The following HS6ST2 variants were observed in gnomAD, a reference collection of about 807,000 sequenced individuals.
The protein encoded by HS6ST2 is heparan sulfate 6-O-sulfotransferase 2, also known as heparan-sulfate 6-O-sulfotransferase 2.
HS6ST2 carries 17 observed loss-of-function variants against 33.0 expected under a neutral mutation model. The observed-to-expected ratio is 0.52, with a 90% CI of 0.35 to 0.77. The LOEUF is 0.77. Among genes scored for constraint, HS6ST2 ranks in the 30% least tolerant of loss-of-function variants. The pLI, the probability that HS6ST2 is intolerant of heterozygous loss-of-function variation, is 0.01. For missense variants in HS6ST2, 519 were observed against 551.7 expected (o/e 0.94, Z 0.59); for synonymous variants, 248 against 237.1 (o/e 1.05, Z -0.42).
intron 2 of HS6ST2, among the ~76,000 whole-genome samples, chrX:132,945,870 G>A (rs1343239467): frequency 3.8e-5 from 3 of 77,934 alleles, no homozygotes; most frequent in Non-Finnish European, 7.2e-5. Context: ...GGAGGGGGGA[G>A]GGATAGCATT....
chrX:132,916,924 T>C, intron 2 of HS6ST2, among the ~76,000 whole-genome samples: 1 of 111,943 alleles, frequency 8.9e-6, no homozygotes, highest in Non-Finnish European at 1.9e-5. Flanking sequence ...TGAACTCCCT[T>C]TCATATATAT....
intron 2 of HS6ST2, among the ~76,000 whole-genome samples, chrX:132,950,584 T>G (rs1031609613): frequency 3.6e-5 from 4 of 111,776 alleles, no homozygotes; most frequent in Non-Finnish European, 7.5e-5. Context: ...GCAAAAAAAG[T>G]ATTCTATGTT....
intron 2 of HS6ST2, among the ~76,000 whole-genome samples, chrX:132,809,457 T>G (rs968830498): frequency 8.9e-6 from 1 of 112,123 alleles, no homozygotes; most frequent in Non-Finnish European, 1.9e-5. Context: ...ACTGACAATG[T>G]GGTTGGCACT....
chrX:132,823,400 G>A (rs747111889), intron 2 of HS6ST2, among the ~76,000 whole-genome samples: 16 of 110,464 alleles, frequency 1.4e-4, no homozygotes, highest in Non-Finnish European at 2.8e-4. Flanking sequence ...TACCTAATGT[G>A]TAGTTTTTTT....
intron 2 of HS6ST2, among the ~76,000 whole-genome samples, chrX:132,722,897 A>C (rs2064348583): frequency 9.8e-6 from 1 of 102,433 alleles, no homozygotes; most frequent in African/African-American, 3.6e-5. Flanking sequence ...AAAAAAAAAA[A>C]CAAAAAGCAA....
chrX:132,897,843 G>A (rs2066389907), intron 2 of HS6ST2, among the ~76,000 whole-genome samples: 3 of 111,500 alleles, frequency 2.7e-5, no homozygotes, highest in African/African-American at 9.8e-5. Context: ...TCTCAGAAAA[G>A]TCACTTTATT....
At chrX:132,761,629 G>A (rs2064806070) in intron 2 of HS6ST2, among the ~76,000 whole-genome samples, 1 of 112,126 alleles carries the variant, frequency 8.9e-6, no homozygotes, top group African/African-American at 3.2e-5. Context: ...TACAAAGGGA[G>A]TTTTTCTGTA....
At chrX:132,854,264 C>T (rs1318193963) in intron 2 of HS6ST2, among the ~76,000 whole-genome samples, 1 of 112,385 alleles carries the variant, frequency 8.9e-6, no homozygotes, top group East Asian at 2.8e-4. Context: ...TTTGAGGAGA[C>T]TCAGACTTAA....
rs243464 is a variant in HS6ST2, at chrX:132,627,580, A to G, written c.*643T>C. On this transcript the variant is annotated 3_prime_UTR_variant, in exon 5 of 5. Transcript: ENST00000370833. ...CAGTAGAAGGTAGAAAAAGTTTAAA[A>G]TTTTAAACATCTCTTAAATATCAAG... 15,884 of 111,878 alleles carry G rather than the reference A, an allele frequency of 0.14. 827 individuals carry two copies. Among genetic ancestry groups the G allele is most frequent in the Non-Finnish European group, 0.15 (7,800 of 53,022 alleles). The allele number at this position is 111,878 out of a possible 1,213,427, so 9.2% of individuals were successfully genotyped here.
intron 2 of HS6ST2, among the ~76,000 whole-genome samples, chrX:132,833,973 C>T (rs909838368): frequency 2.7e-5 from 3 of 110,369 alleles, no homozygotes; most frequent in African/African-American, 9.9e-5. Flanking sequence ...TGTTTATATG[C>T]ACAATCACAT....
intron 2 of HS6ST2, among the ~76,000 whole-genome samples, chrX:132,828,502 C>G (rs2065547894): frequency 9.3e-6 from 1 of 107,494 alleles, no homozygotes; most frequent in South Asian, 4.1e-4. Flanking sequence ...GGCAATCTCC[C>G]TTCAGAGACT....
intron 2 of HS6ST2, among the ~76,000 whole-genome samples, chrX:132,853,176 G>T (rs906307330): frequency 3.6e-5 from 4 of 111,526 alleles, no homozygotes; most frequent in Non-Finnish European, 7.5e-5. Flanking sequence ...TTTTGAGACA[G>T]TGTCTCCTGC....
intron 2 of HS6ST2, among the ~76,000 whole-genome samples, chrX:132,870,019 C>T (rs757011691): frequency 1.7e-4 from 19 of 111,412 alleles, no homozygotes; most frequent in African/African-American, 5.9e-4. Context: ...TAGAAAACCC[C>T]ATCGTCTCAG....
chrX:132,649,790 G>A (rs186361855), intron 4 of HS6ST2, among the ~76,000 whole-genome samples: 5 of 109,726 alleles, frequency 4.6e-5, no homozygotes, highest in East Asian at 5.7e-4. Flanking sequence ...CCCAGGAGGC[G>A]GAGGTTGCAG....
chrX:132,642,781 A>G (rs989910630), intron 4 of HS6ST2, among the ~76,000 whole-genome samples: 2 of 112,503 alleles, frequency 1.8e-5, no homozygotes, highest in African/African-American at 6.5e-5. Flanking sequence ...GAAGACATGA[A>G]GATCCTGATT....
At chrX:132,825,509 G>A in intron 2 of HS6ST2, among the ~76,000 whole-genome samples, 1 of 111,390 alleles carries the variant, frequency 9.0e-6, no homozygotes, top group Non-Finnish European at 1.9e-5. Context: ...AACGTTCTCA[G>A]GAGCATATCT....
rs71855456 is a variant in HS6ST2, at chrX:132,829,177, C to CATATATAT, written c.948-120691_948-120684dup. 1.6e-4 allele frequency among the ~76,000 whole-genome samples: 10 copies of CATATATAT among 63,695 alleles called. 1 individual carries two copies. Among genetic ancestry groups the CATATATAT allele is most frequent in the African/African-American group, 7.1e-4 (10 of 14,126 alleles). The allele number at this position is 63,695 out of a possible 115,157, so 55.3% of individuals were successfully genotyped here. ...TGTGTTGGATCCTGTAGGTAAGGAACATATATATATATATATATATATACA... is the reference window on the plus strand; with the variant it reads ...TGTGTTGGATCCTGTAGGTAAGGAACATATATATATATATATATATATATATATATACA... On this transcript the variant is annotated intron_variant, in intron 2 of 4. Transcript: ENST00000370833.
At chrX:132,891,956 A>C (rs924427806) in intron 2 of HS6ST2, among the ~76,000 whole-genome samples, 1 of 111,382 alleles carries the variant, frequency 9.0e-6, no homozygotes, top group African/African-American at 3.3e-5. Flanking sequence ...CTGAGGAATC[A>C]CCACACTGAC....
At chrX:132,650,820 G>A (rs1232495297) in intron 4 of HS6ST2, among the ~76,000 whole-genome samples, 1 of 107,922 alleles carries the variant, frequency 9.3e-6, no homozygotes, top group Non-Finnish European at 1.9e-5. Context: ...TATCGCCCAG[G>A]CTGGAGTGCA....
Sources: gnomAD v4.1 joint callset for allele counts (sites outside exome capture counted in the v4.1 genomes callset) on GRCh38, gnomAD v4.1.1 for gene constraint, MANE v1.5 for transcripts, NCBI Gene and HGNC (gene_info 2026-07-23, HGNC 2026-07-21) for gene names.